RTN4: variants seen among roughly 807,000 people sequenced by gnomAD.
RTN4 encodes reticulon 4, also known as reticulon-4.
In RTN4, 32 loss-of-function variants were observed where a neutral mutation model predicts 90.4. The observed-to-expected ratio is 0.35, with a 90% confidence interval of 0.27 to 0.48. RTN4 has a LOEUF of 0.48. Among genes scored for constraint, RTN4 ranks in the 20% least tolerant of loss-of-function variants. RTN4 has a pLI of 0.99. For synonymous variants in RTN4, 629 were observed against 552.5 expected, an observed-to-expected ratio of 1.14 and a Z score of -1.94; for missense variants, 1,706 against 1,430.2, an observed-to-expected ratio of 1.19 and a Z score of -3.11.
intron 2 of RTN4, among the ~76,000 whole-genome samples, chr2:55,057,415 T>C (rs970622950): frequency 6.6e-6 from 1 of 152,138 alleles, no homozygotes; most frequent in Non-Finnish European, 1.5e-5. Flanking sequence ...CTAATTGAAG[T>C]AAGGATTTGT....
intron 3 of RTN4, among the ~76,000 whole-genome samples, chr2:54,989,471 T>C (rs1678838124): frequency 6.6e-6 from 1 of 152,212 alleles, no homozygotes; most frequent in Non-Finnish European, 1.5e-5. Flanking sequence ...TGACAAGAAC[T>C]TGAAATGGCC....
chr2:55,087,792 T>C (rs948018649), intron 1 of RTN4, among the ~76,000 whole-genome samples: 3 of 152,216 alleles, frequency 2.0e-5, no homozygotes, highest in African/African-American at 7.2e-5. Context: ...GACACTGCTA[T>C]AAGCAGCCTG....
intron 5 of RTN4, among the ~76,000 whole-genome samples, chr2:54,978,833 A>C (rs1233039167): frequency 6.6e-6 from 1 of 152,180 alleles, no homozygotes; most frequent in Non-Finnish European, 1.5e-5. Context: ...ACTTCCCATA[A>C]ATTTAAAATC....
intron 3 of RTN4, among the ~76,000 whole-genome samples, chr2:55,009,107 TAA>T (rs1317807859): frequency 6.6e-6 from 1 of 152,146 alleles, no homozygotes; most frequent in Non-Finnish European, 1.5e-5. Flanking sequence ...AAAGACATTG[TAA>T]AAGTTACTGT....
chr2:55,115,805 A>G (rs1181537376), upstream of RTN4, among the ~76,000 whole-genome samples: 4 of 152,220 alleles, frequency 2.6e-5, no homozygotes, highest in Non-Finnish European at 5.9e-5. Context: ...TCAAAGTTAA[A>G]GTCACCAGTG....
At chr2:54,985,714 A>C (rs992382072) in intron 4 of RTN4, among the ~76,000 whole-genome samples, 7 of 152,192 alleles carry the variant, frequency 4.6e-5, no homozygotes, top group Non-Finnish European at 8.8e-5. Context: ...CTTTACAATA[A>C]ACAAAATAAT....
intron 3 of RTN4, among the ~76,000 whole-genome samples, chr2:55,021,715 T>C (rs900717672): frequency 2.6e-5 from 4 of 152,162 alleles, no homozygotes; most frequent in Non-Finnish European, 4.4e-5. Flanking sequence ...CCCTTCCTTT[T>C]ATAGAAAAGG....
chr2:55,133,147 G>A, the RTN4 span, among the ~76,000 whole-genome samples: 8 of 152,222 alleles, frequency 5.3e-5, no homozygotes. Context: ...GGAAGCAGAG[G>A]TTCCAGTGAG....
At chr2:55,031,386 C>T (rs955553905) in intron 1 of RTN4, among the ~76,000 whole-genome samples, 9 of 152,142 alleles carry the variant, frequency 5.9e-5, no homozygotes, top group Non-Finnish European at 1.3e-4. Context: ...GAGGAGTTGT[C>T]TGGAATTTGT....
chr2:55,062,946 T>C (rs1000687118), intron 2 of RTN4, among the ~76,000 whole-genome samples: 4 of 152,188 alleles, frequency 2.6e-5, no homozygotes, highest in African/African-American at 9.7e-5. Flanking sequence ...AATACAAGCA[T>C]GATGGCTGGA....
At chr2:55,017,453 T>C (rs1681124349) in intron 3 of RTN4, among the ~76,000 whole-genome samples, 1 of 152,224 alleles carries the variant, frequency 6.6e-6, no homozygotes, top group African/African-American at 2.4e-5. Flanking sequence ...TGGTGAATCC[T>C]GGGTATTACA....
rs574342081 is a variant in RTN4, at chr2:55,111,648, G to A, written c.-214+872C>T. Among the ~76,000 whole-genome samples the A allele has an allele frequency of 2.0e-5, 3 of 152,148 alleles. No individual in the cohort carries two copies. The East Asian group carries it at 5.8e-4, about 29-fold the overall frequency. ...TAAGGACCCACTCAGGAGGGTGTTT[G>A]GGGCTGTTTAGGAGGAGGGGTCTCC... On this transcript the variant is annotated intron_variant, in intron 1 of 3. Transcript: ENST00000427710.
intron 2 of RTN4, among the ~76,000 whole-genome samples, chr2:55,058,703 T>G (rs1668234347): frequency 6.6e-6 from 1 of 152,086 alleles, no homozygotes; most frequent in East Asian, 1.9e-4. Flanking sequence ...TCCAGGATGC[T>G]AAGAAAAATG....
chr2:55,068,683 G>GT (rs1171470916), intron 2 of RTN4, among the ~76,000 whole-genome samples: 48 of 120,080 alleles, frequency 4.0e-4, no homozygotes, highest in Non-Finnish European at 1.3e-4. Flanking sequence ...AAAAAAGGGG[G>GT]GGGGGTGGGG....
At chr2:55,110,995 C>T (rs1244492445) in intron 1 of RTN4, among the ~76,000 whole-genome samples, 3 of 151,872 alleles carry the variant, frequency 2.0e-5, no homozygotes, top group South Asian at 4.2e-4. Flanking sequence ...GAGCCGAGAT[C>T]GTACCACGGT....
chr2:55,085,515 A>T (rs1183858533), intron 1 of RTN4, among the ~76,000 whole-genome samples: 1 of 152,198 alleles, frequency 6.6e-6, no homozygotes. Flanking sequence ...AAGACCCTCA[A>T]CTGATTGTGT....
intron 2 of RTN4, among the ~76,000 whole-genome samples, chr2:55,065,707 A>G (rs1668377645): frequency 6.6e-6 from 1 of 152,092 alleles, no homozygotes; most frequent in South Asian, 2.1e-4. Flanking sequence ...GATTCCATTT[A>G]TATGAAGTTT....
At chr2:55,098,724 C>T (rs1667796991) in intron 1 of RTN4, among the ~76,000 whole-genome samples, 2 of 152,014 alleles carry the variant, frequency 1.3e-5, no homozygotes, top group Admixed American at 6.6e-5. Flanking sequence ...CATCAATATG[C>T]CTTTTAAATC....
chr2:55,003,842 T>TA (rs1266462766), intron 3 of RTN4, among the ~76,000 whole-genome samples: 1 of 152,116 alleles, frequency 6.6e-6, no homozygotes, highest in East Asian at 1.9e-4. Context: ...TGCGTAGGTT[T>TA]TACGAAAATA....
Sources: allele counts gnomAD v4.1 joint callset (sites outside exome capture counted in the v4.1 genomes callset), GRCh38; gene constraint gnomAD v4.1.1; transcripts MANE v1.5; gene names NCBI Gene and HGNC (gene_info 2026-07-23, HGNC 2026-07-21).